NKAIN2: variants seen among roughly 807,000 people sequenced by gnomAD.
NKAIN2 encodes the protein sodium/potassium-transporting ATPase subunit beta-1-interacting protein 2.
Under a neutral mutation model 32.6 loss-of-function variants are expected in NKAIN2, and 14 were observed. The observed-to-expected ratio is 0.43, with a 90% CI of 0.28 to 0.67. NKAIN2 has a LOEUF of 0.67. NKAIN2 is among the 30% of genes least tolerant of loss of function. The pLI is 0.17. For synonymous variants in NKAIN2, 80 were observed against 87.2 expected (o/e 0.92, Z 0.46); for missense variants, 198 against 258.3 (o/e 0.77, Z 1.60).
intron 2 of NKAIN2, among the ~76,000 whole-genome samples, chr6:124,297,129 A>G (rs1796088684): frequency 1.3e-5 from 2 of 152,200 alleles, no homozygotes; most frequent in African/African-American, 4.8e-5. Flanking sequence ...AAACTGTTAT[A>G]CATACTGTTG....
intron 1 of NKAIN2, among the ~76,000 whole-genome samples, chr6:123,812,807 C>T (rs1299987148): frequency 6.6e-6 from 1 of 152,178 alleles, no homozygotes; most frequent in African/African-American, 2.4e-5. Context: ...AACAGTAACA[C>T]ATTTAAAACC....
At chr6:123,985,477 T>C (rs1779095630) in intron 1 of NKAIN2, among the ~76,000 whole-genome samples, 1 of 152,098 alleles carries the variant, frequency 6.6e-6, no homozygotes, top group South Asian at 2.1e-4. Context: ...ACAAGATGGG[T>C]CTACATGTAC....
intron 4 of NKAIN2, among the ~76,000 whole-genome samples, chr6:124,687,446 G>T (rs1773998945): frequency 1.6e-5 from 2 of 127,834 alleles, no homozygotes; most frequent in Non-Finnish European, 3.2e-5. Context: ...ATACATACAT[G>T]GTATATATTC....
At position 123,924,377 on chromosome 6, in the gene NKAIN2, C is replaced by T. The variant is rs117309131; in HGVS notation, c.54+120123C>T. 1.6e-3 allele frequency among the ~76,000 whole-genome samples: 248 copies of T among 152,316 alleles called. 10 individuals carry two copies. In the East Asian group the frequency reaches 0.041, roughly 25 times the overall value. On this transcript the variant is annotated intron_variant, in intron 1 of 6. Coordinates refer to ENST00000368417, the MANE Select transcript of NKAIN2 (RefSeq NM_001040214.3). ...AATGTTAGAAACAATTTGGAATTCA[C>T]GATTTGTGTGACTTTAAATCATTTA...
At chr6:124,254,108 G>A (rs769832898) in intron 1 of NKAIN2, among the ~76,000 whole-genome samples, 1 of 151,216 alleles carries the variant, frequency 6.6e-6, no homozygotes, top group Non-Finnish European at 1.5e-5. Context: ...GTGAGCCACC[G>A]CTCCCGGCTA....
At chr6:124,029,451 G>A (rs1047040599) in intron 1 of NKAIN2, among the ~76,000 whole-genome samples, 1 of 150,340 alleles carries the variant, frequency 6.7e-6, no homozygotes. Flanking sequence ...AGATAAGGAA[G>A]CACATACCCC....
rs2086232 is a variant in NKAIN2 at position 124,578,931 on chromosome 6, A to C, written c.274-79255A>C. On this transcript the variant is annotated intron_variant, in intron 3 of 6. Coordinates refer to ENST00000368417, the MANE Select transcript of NKAIN2 (RefSeq NM_001040214.3). ...TGTTTAGGAGAAAATAAGGGAAGAG[A>C]ATAAGAGTCTGTGCCTGGTATTCTA... Among the ~76,000 whole-genome samples the C allele has an allele frequency of 2.4e-3, 358 of 152,312 alleles. 1 individual carries two copies. Among genetic ancestry groups the C allele is most frequent in the African/African-American group, 8.2e-3 (340 of 41,580 alleles).
intron 1 of NKAIN2, among the ~76,000 whole-genome samples, chr6:124,000,677 G>A (rs1779843803): frequency 2.0e-5 from 3 of 152,150 alleles, no homozygotes; most frequent in East Asian, 3.9e-4. Context: ...GCCTTTAAAT[G>A]TAAGGGTAGC....
chr6:124,696,462 C>T (rs997410847), intron 4 of NKAIN2, among the ~76,000 whole-genome samples: 17 of 152,122 alleles, frequency 1.1e-4, no homozygotes, highest in Non-Finnish European at 7.3e-5. Flanking sequence ...CCGCAAGCCA[C>T]CTCCCATGCC....
intron 1 of NKAIN2, among the ~76,000 whole-genome samples, chr6:123,961,083 C>T (rs1408864347): frequency 6.6e-6 from 1 of 152,060 alleles, no homozygotes; most frequent in African/African-American, 2.4e-5. Context: ...TGTCTTTCCC[C>T]TTGTTCAATT....
intron 1 of NKAIN2, among the ~76,000 whole-genome samples, chr6:123,976,329 CCATAT>C (rs1562287447): frequency 0.056 from 900 of 16,180 alleles, 176 homozygotes; most frequent in East Asian, 0.11. Context: ...ATATATGTTC[CCATAT>C]ATATATATGT....
chr6:124,549,832 G>A (rs183355965), intron 3 of NKAIN2, among the ~76,000 whole-genome samples: 9 of 152,288 alleles, frequency 5.9e-5, no homozygotes, highest in Admixed American at 5.2e-4. Context: ...CTACCTCAGT[G>A]CTTCATATCA....
intron 5 of NKAIN2, among the ~76,000 whole-genome samples, chr6:124,816,176 C>T (rs1781155741): frequency 6.6e-6 from 1 of 152,060 alleles, no homozygotes. Context: ...GTGAAAGAAG[C>T]CAGCCAGAAA....
At chr6:124,759,650 CA>C (rs1562367811) in intron 4 of NKAIN2, among the ~76,000 whole-genome samples, 56 of 92,612 alleles carry the variant, frequency 6.0e-4, no homozygotes, top group African/African-American at 1.5e-3. Flanking sequence ...CACACACACA[CA>C]CACACCCCCT....
At chr6:124,711,527 C>G (rs1775456997) in intron 4 of NKAIN2, among the ~76,000 whole-genome samples, 1 of 150,818 alleles carries the variant, frequency 6.6e-6, no homozygotes, top group African/African-American at 2.4e-5. Flanking sequence ...TCTTTTTATT[C>G]TTTTTTCTCT....
intron 1 of NKAIN2, among the ~76,000 whole-genome samples, chr6:124,172,473 A>G (rs1296931147): frequency 6.6e-6 from 1 of 152,166 alleles, no homozygotes; most frequent in Non-Finnish European, 1.5e-5. Flanking sequence ...GCTCATATCA[A>G]ATATTCCTTT....
chr6:124,629,416 AG>A (rs1245972795), intron 3 of NKAIN2, among the ~76,000 whole-genome samples: 2 of 152,152 alleles, frequency 1.3e-5, no homozygotes, highest in Non-Finnish European at 2.9e-5. Flanking sequence ...GGAATCCACT[AG>A]CCCCCAGATT....
At chr6:124,554,945 T>C (rs1176344514) in intron 3 of NKAIN2, among the ~76,000 whole-genome samples, 1 of 152,114 alleles carries the variant, frequency 6.6e-6, no homozygotes, top group Non-Finnish European at 1.5e-5. Flanking sequence ...CTCCAGCTAA[T>C]ATAACCCAGA....
chr6:124,244,045 A>AT (rs1280862711), intron 1 of NKAIN2, among the ~76,000 whole-genome samples: 3 of 150,696 alleles, frequency 2.0e-5, no homozygotes, highest in Non-Finnish European at 2.9e-5. Context: ...AATAGAAATG[A>AT]TTTCTTTCTG....
Sources: gnomAD v4.1 joint callset for allele counts (sites outside exome capture counted in the v4.1 genomes callset) on GRCh38, gnomAD v4.1.1 for gene constraint, MANE v1.5 for transcripts, NCBI Gene and HGNC (gene_info 2026-07-23, HGNC 2026-07-21) for gene names.